The following NUP153 variants were observed in gnomAD, a reference collection of about 807,000 sequenced individuals.
NUP153 encodes nuclear pore complex protein Nup153.
A neutral mutation model predicts 134.6 loss-of-function variants in NUP153; 27 were observed. That is an observed-to-expected ratio of 0.20 (90% confidence interval 0.15 to 0.28). The LOEUF is 0.28. NUP153 is among the 10% of genes least tolerant of loss of function. The probability of loss-of-function intolerance (pLI) is 1.00; values close to 1 mark genes in which losing one functional copy is unlikely to be tolerated. For missense variants in NUP153, 1,821 were observed against 1,731.3 expected (o/e 1.05, Z -0.92); for synonymous variants, 640 against 623.5 (o/e 1.03, Z -0.40).
intron 11 of NUP153, among the ~76,000 whole-genome samples, chr6:17,653,717 T>C (rs757055346): frequency 3.3e-5 from 5 of 152,148 alleles, no homozygotes; most frequent in Non-Finnish European, 5.9e-5. Flanking sequence ...AGAACAGTGA[T>C]TGCCTCTGGG....
intron 11 of NUP153, among the ~76,000 whole-genome samples, chr6:17,654,572 G>C (rs776962489): frequency 6.6e-6 from 1 of 151,938 alleles, no homozygotes; most frequent in Non-Finnish European, 1.5e-5. Context: ...CGCCCACCTC[G>C]GCCTCCGAAA....
intron 16 of NUP153, among the ~76,000 whole-genome samples, chr6:17,636,338 A>G (rs1765550866): frequency 6.6e-6 from 1 of 151,444 alleles, no homozygotes; most frequent in African/African-American, 2.4e-5. Context: ...CTGTCTCAAA[A>G]AAAAAAAAAA....
At chr6:17,674,561 GATC>G (rs1768106742) in intron 5 of NUP153, among the ~76,000 whole-genome samples, 1 of 152,138 alleles carries the variant, frequency 6.6e-6, no homozygotes, top group Non-Finnish European at 1.5e-5. Context: ...GAGGTCAAGA[GATC>G]ATCAAGACCA....
At chr6:17,661,857 T>TA (rs879062853) in intron 10 of NUP153, 78 bp from the exon 11 acceptor site, 2,422 of 1,226,426 alleles carry the variant, frequency 2.0e-3, no homozygotes, top group South Asian at 2.7e-3. Context: ...TGCTAACAAG[T>TA]AAAAAAAAAA....
intron 1 of NUP153, among the ~76,000 whole-genome samples, chr6:17,705,585 TG>T (rs200771105): frequency 0.03 from 1,197 of 40,070 alleles, 13 homozygotes; most frequent in African/African-American, 0.073. Context: ...GTGGCGGTGT[TG>T]GGGGGGGGGA....
At chr6:17,663,187 C>T (rs1055598597) in intron 9 of NUP153, among the ~76,000 whole-genome samples, 2 of 151,422 alleles carry the variant, frequency 1.3e-5, no homozygotes, top group Non-Finnish European at 2.9e-5. Context: ...TGAAATTTTT[C>T]TTGCAAATCT....
At chr6:17,666,837 C>A (rs1767561214) in intron 8 of NUP153, among the ~76,000 whole-genome samples, 1 of 152,242 alleles carries the variant, frequency 6.6e-6, no homozygotes, top group Non-Finnish European at 1.5e-5. Flanking sequence ...AAGGTCCTTT[C>A]ATTCAGCAGC....
rs1450978961 is a variant in NUP153, at chr6:17,629,424, T to C, written c.2775A>G (p.Lys925=). 9 of 1,614,018 alleles carry C rather than the reference T, an allele frequency of 5.6e-6. No homozygotes were observed. In the Admixed American group the frequency reaches 8.3e-5, roughly 15 times the overall value. ...SQTLTSTGNF[K]FGDQGGFKIG... ...TTTTGAATCCTCCCTGATCTCCAAATTTAAAATTTCCAGTGCTTGTTAAAG... is the reference window on the plus strand; with the variant it reads ...TTTTGAATCCTCCCTGATCTCCAAACTTAAAATTTCCAGTGCTTGTTAAAG... Residue 925 remains lysine, a synonymous_variant, in exon 18 of 22, where the codon AAA becomes AAG. Coordinates refer to ENST00000262077, the MANE Select transcript of NUP153 (RefSeq NM_005124.4).
At chr6:17,651,797 T>C (rs1327796308) in intron 11 of NUP153, 2 of 562,434 alleles carry the variant, frequency 3.6e-6, no homozygotes. Context: ...TCAAAATCCA[T>C]GAAACAAAAA....
rs372733612 is a variant in NUP153, at chr6:17,665,236, C to G, written c.1215+3G>C. 3.6e-5 allele frequency: 57 copies of G among 1,594,982 alleles called. No individual in the cohort carries two copies. The highest frequency in any genetic ancestry group is 4.7e-5 in the Non-Finnish European group (55 of 1,163,280). ...AGACTGGTAGAAATATACATATACTCACACTGCACTTGTTATCTATTCTTT... is the reference window on the plus strand; with the variant it reads ...AGACTGGTAGAAATATACATATACTGACACTGCACTTGTTATCTATTCTTT... On this transcript the variant is annotated splice_donor_region_variant and intron_variant, in intron 9 of 21. Coordinates refer to ENST00000262077, the MANE Select transcript of NUP153 (RefSeq NM_005124.4).
At chr6:17,704,153 G>T (rs952107466) in intron 1 of NUP153, among the ~76,000 whole-genome samples, 1 of 152,108 alleles carries the variant, frequency 6.6e-6, no homozygotes, top group African/African-American at 2.4e-5. Flanking sequence ...TTAGCTGGGC[G>T]TGGTGGCGGG....
chr6:17,632,284 G>T (rs1003007887), intron 17 of NUP153, among the ~76,000 whole-genome samples: 1 of 151,596 alleles, frequency 6.6e-6, no homozygotes, highest in Non-Finnish European at 1.5e-5. Context: ...CTGGGCAAAA[G>T]AACAAAACTG....
At chr6:17,669,097 G>C (rs1274841162) in intron 7 of NUP153, 69 bp from the exon 8 acceptor site, 12 of 595,706 alleles carry the variant, frequency 2.0e-5, no homozygotes, top group African/African-American at 1.0e-4. Context: ...TTTTTTTTTT[G>C]AGATGGAGTC....
chr6:17,639,912 A>G, intron 15 of NUP153, 27 bp downstream of exon 15: 2 of 1,580,842 alleles, frequency 1.3e-6, no homozygotes, highest in Non-Finnish European at 1.7e-6. Flanking sequence ...GTTTGTAATC[A>G]AAAGGCTTAT....
intron 16 of NUP153, among the ~76,000 whole-genome samples, chr6:17,635,104 C>CTTTTTTT (rs59700511): frequency 4.2e-4 from 44 of 104,260 alleles, no homozygotes; most frequent in East Asian, 9.4e-4. Context: ...CTTGGCTTAT[C>CTTTTTTT]TTTTTTTTTT....
Position 17,685,483 on chromosome 6 carries a change from A to G in NUP153, c.334+2913T>C, listed in dbSNP as rs1768866160. Among the ~76,000 whole-genome samples, 5 of 151,084 alleles carry G rather than the reference A, an allele frequency of 3.3e-5. No individual in the cohort carries two copies. In the South Asian group the frequency reaches 1.1e-3, roughly 32 times the overall value. ...AGAATGGTGTGAACCCAGGAGGCGG[A>G]GCTTGCAATGAGCCGAGATCGAGCC... On this transcript the variant is annotated intron_variant, in intron 2 of 21. Transcript: ENST00000262077.
chr6:17,682,448 A>T (rs939861729), intron 2 of NUP153, among the ~76,000 whole-genome samples: 4 of 152,180 alleles, frequency 2.6e-5, no homozygotes, highest in African/African-American at 9.6e-5. Flanking sequence ...TTAACGAAAG[A>T]TTTCTCTGTG....
intron 1 of NUP153, among the ~76,000 whole-genome samples, chr6:17,700,447 A>G (rs2113864678): frequency 6.6e-6 from 1 of 152,332 alleles, no homozygotes; most frequent in South Asian, 2.1e-4. Context: ...CAACTATCCT[A>G]TCAACTATCC....
At chr6:17,697,142 TAATA>T (rs1417877041) in intron 1 of NUP153, among the ~76,000 whole-genome samples, 24 of 152,210 alleles carry the variant, frequency 1.6e-4, no homozygotes, top group African/African-American at 5.8e-4. Flanking sequence ...TAATCATAAA[TAATA>T]AATTTAAGTT....
Sources: allele counts gnomAD v4.1 joint callset (sites outside exome capture counted in the v4.1 genomes callset), GRCh38; gene constraint gnomAD v4.1.1; transcripts MANE v1.5; gene names NCBI Gene and HGNC (gene_info 2026-07-23, HGNC 2026-07-21).